The following FOXP4 variants were observed in gnomAD, a reference collection of about 807,000 sequenced individuals.
The protein encoded by FOXP4 is forkhead box protein P4.
In FOXP4, 25 loss-of-function variants were observed where a neutral mutation model predicts 82.6. The ratio of observed to expected loss-of-function variants is 0.30; its 90% CI spans 0.22 to 0.42. FOXP4 has a LOEUF of 0.42. FOXP4 is among the 10% of genes least tolerant of loss of function. The probability of loss-of-function intolerance (pLI) is 1.00; values close to 1 mark genes in which losing one functional copy is unlikely to be tolerated. For missense variants in FOXP4, 785 were observed against 900.9 expected (o/e 0.87, Z 1.65); for synonymous variants, 415 against 388.2 (o/e 1.07, Z -0.81).
At chr6:41,567,626 G>A (rs1201905973) in intron 2 of FOXP4, among the ~76,000 whole-genome samples, 2 of 152,208 alleles carry the variant, frequency 1.3e-5, no homozygotes, top group African/African-American at 4.8e-5. Flanking sequence ...AGGGGTTGGG[G>A]AGTACTGAAA....
intron 2 of FOXP4, among the ~76,000 whole-genome samples, chr6:41,569,701 G>A (rs1765075052): frequency 6.6e-6 from 1 of 152,176 alleles, no homozygotes; most frequent in Non-Finnish European, 1.5e-5. Flanking sequence ...AGGCGTCCTG[G>A]GCCTCTGGAG....
At chr6:41,556,128 G>A (rs915499007) in intron 1 of FOXP4, among the ~76,000 whole-genome samples, 9 of 152,000 alleles carry the variant, frequency 5.9e-5, no homozygotes, top group East Asian at 1.9e-4. Flanking sequence ...GTTAGGACGC[G>A]GGGAGGAGCA....
At chr6:41,554,427 C>T (rs1000910323) in intron 1 of FOXP4, among the ~76,000 whole-genome samples, 2 of 152,248 alleles carry the variant, frequency 1.3e-5, no homozygotes, top group Non-Finnish European at 2.9e-5. Flanking sequence ...GCAGCTGCCT[C>T]CTCGTGCCCT....
intron 3 of FOXP4, among the ~76,000 whole-genome samples, chr6:41,582,429 C>T (rs928078403): frequency 3.3e-5 from 5 of 152,248 alleles, no homozygotes; most frequent in Admixed American, 6.5e-5. Context: ...TCCCAGTTAG[C>T]CGACCGGGAA....
chr6:41,560,112 GAAA>G (rs1374787118), intron 1 of FOXP4, among the ~76,000 whole-genome samples: 5 of 152,190 alleles, frequency 3.3e-5, no homozygotes, highest in African/African-American at 1.2e-4. Context: ...ATACAGAGAA[GAAA>G]AGAGGAGAAT....
chr6:41,593,348 G>A lies in FOXP4; in HGVS notation c.1537-1522G>A, dbSNP rs899883118. ...CATGGTGTGGGCCCAGCCAGCTGCCGTTCATCCAGGGACAGAGCTGCCATC... is the reference window on the plus strand; with the variant it reads ...CATGGTGTGGGCCCAGCCAGCTGCCATTCATCCAGGGACAGAGCTGCCATC... On this transcript the variant is annotated intron_variant, in intron 13 of 16. Coordinates refer to ENST00000307972, the MANE Select transcript of FOXP4 (RefSeq NM_001012426.2). This position sits in a 1 kb window ranked among gnomAD's most constrained non-coding sequence, Gnocchi z 4.1. Among the ~76,000 whole-genome samples the A allele has an allele frequency of 2.0e-5, 3 of 152,144 alleles. No individual in the cohort carries two copies. The highest frequency in any genetic ancestry group is 4.1e-4 in the South Asian group (2 of 4,826).
intron 1 of FOXP4, 100 bp from the exon 2 acceptor site, chr6:41,565,645 G>A: frequency 9.1e-7 from 1 of 1,096,620 alleles, no homozygotes; most frequent in Non-Finnish European, 1.3e-6. Context: ...TAGATGCCCA[G>A]CTACTCCTGT....
chr6:41,582,242 G>A (rs1203222685), intron 3 of FOXP4, among the ~76,000 whole-genome samples: 1 of 152,228 alleles, frequency 6.6e-6, no homozygotes, highest in Non-Finnish European at 1.5e-5. Flanking sequence ...ACCTCTCTGG[G>A]CCTCAGTTTT....
rs1371187674 is a variant in FOXP4 at position 41,587,817 on chromosome 6, C to G, written c.897C>G (p.Gly299=). The change falls in exon 8 of 17, where the codon GGC becomes GGG. Residue 299 remains glycine, a synonymous_variant. Transcript: ENST00000307972. ...RDSSSHEETP[G]SHPLYGHGEC... ...GCTCTTCCCACGAGGAGACCCCCGG[C>G]TCCCACCCCCTGTACGGACACGGAG... 2 of 1,568,134 alleles carry G rather than the reference C, an allele frequency of 1.3e-6. No homozygotes were observed. The highest frequency in any genetic ancestry group is 2.4e-5 in the East Asian group (1 of 42,180).
At chr6:41,557,810 C>T (rs79038780) in intron 1 of FOXP4, among the ~76,000 whole-genome samples, 2,156 of 151,914 alleles carry the variant, frequency 0.014, 55 homozygotes, top group African/African-American at 0.049. Context: ...AAATTTTCTA[C>T]CAGGATGTCT....
In FOXP4 at chr6:41,587,466, A is replaced by T. The variant is rs764585288; in HGVS notation, c.826A>T (p.Thr276Ser). Residue 276 changes from threonine (T) to serine (S), a missense_variant, in exon 7 of 17, where the codon ACC becomes TCC. Around this residue, in one of 3 missense-constraint regions of FOXP4, gnomAD observed 570 missense variants for 634.0 expected, o/e 0.90. Transcript: ENST00000307972. ...PKVSPPLSHH[T>S]LPNGQPTVLT... Reference sequence around the variant, plus strand: ...GGTCTCACCCCCCCTCTCCCACCATACCCTGCCCAACGGACAGCCTACTGT... The same window carrying T: ...GGTCTCACCCCCCCTCTCCCACCATTCCCTGCCCAACGGACAGCCTACTGT... The T allele has an allele frequency of 1.6e-5, 25 of 1,540,348 alleles. No homozygotes were observed. The highest frequency in any genetic ancestry group is 2.2e-5 in the Non-Finnish European group (25 of 1,143,774).
intron 14 of FOXP4, among the ~76,000 whole-genome samples, chr6:41,596,049 C>G (rs548459270): frequency 1.3e-5 from 2 of 152,288 alleles, no homozygotes; most frequent in South Asian, 4.1e-4. Flanking sequence ...AGGCGCCCAC[C>G]ACCACACCCA....
At chr6:41,594,673 C>T (rs191693224) in intron 13 of FOXP4, among the ~76,000 whole-genome samples, 197 bp from the exon 14 acceptor site, 205 of 152,232 alleles carry the variant, frequency 1.3e-3, no homozygotes, top group Middle Eastern at 3.4e-3. Context: ...AGGCTGGGAA[C>T]CCCTGGCTCT....
At position 41,593,588 on chromosome 6, in the gene FOXP4, C is replaced by T. The variant is rs2127402875; in HGVS notation, c.1537-1282C>T. On this transcript the variant is annotated intron_variant, in intron 13 of 16. Coordinates refer to ENST00000307972, the MANE Select transcript of FOXP4 (RefSeq NM_001012426.2). The surrounding 1 kb of genome is among the most constrained non-coding windows in gnomAD (Gnocchi z 4.1). ...CATCCTCGGAAATTGGGGTCATTCTCATTTGCAAAGCGGAGGATCGGAGCC... is the reference window on the plus strand; with the variant it reads ...CATCCTCGGAAATTGGGGTCATTCTTATTTGCAAAGCGGAGGATCGGAGCC... 6.6e-6 allele frequency among the ~76,000 whole-genome samples: 1 copy of T among 152,368 alleles called. No individual in the cohort carries two copies. Among genetic ancestry groups the T allele is most frequent in the East Asian group, 1.9e-4 (1 of 5,196 alleles).
chr6:41,553,349 C>T (rs904872528), intron 1 of FOXP4, among the ~76,000 whole-genome samples: 1 of 152,140 alleles, frequency 6.6e-6, no homozygotes, highest in African/African-American at 2.4e-5. Flanking sequence ...CGAGGTGAGG[C>T]GAGCTTCAGC....
At chr6:41,570,247 G>C in intron 2 of FOXP4, 1 of 462,050 alleles carries the variant, frequency 2.2e-6, no homozygotes, top group Non-Finnish European at 4.5e-6. Context: ...TTCTTCTGGA[G>C]AATGAGCCCC....
In FOXP4 at chr6:41,585,455, C is replaced by G; in HGVS notation, c.448C>G (p.Gln150Glu). The G allele has an allele frequency of 6.2e-7, 1 of 1,613,906 alleles. No homozygotes were observed. Among genetic ancestry groups the G allele is most frequent in the South Asian group, 1.1e-5 (1 of 91,066 alleles). ...GCTACAGGAGTACTACAAGAAGCAG[C>G]AGGAGCAGCTCCACCTGCAGCTCCT... ...QQLQEYYKKQ[Q>E]EQLHLQLLTQ... Residue 150 changes from glutamine (Q) to glutamate (E), a missense_variant, in exon 5 of 17, where the codon CAG (glutamine) becomes GAG (glutamate). This residue lies in a region of FOXP4 where 570 missense variants were observed against 634.0 expected (regional missense o/e 0.90). Transcript: ENST00000307972.
intron 12 of FOXP4, among the ~76,000 whole-genome samples, chr6:41,590,619 C>T (rs1766458075): frequency 6.6e-6 from 1 of 152,156 alleles, no homozygotes; most frequent in Non-Finnish European, 1.5e-5. Context: ...TTTCCACGTA[C>T]ACAGCCCGCC....
chr6:41,559,785 A>G (rs1240905859), intron 1 of FOXP4, among the ~76,000 whole-genome samples: 1 of 152,188 alleles, frequency 6.6e-6, no homozygotes, highest in Non-Finnish European at 1.5e-5. Context: ...TTGGAGCCCC[A>G]TTGCCTGGGA....
Sources: allele counts gnomAD v4.1 joint callset (sites outside exome capture counted in the v4.1 genomes callset), GRCh38; gene constraint gnomAD v4.1.1; regional missense constraint gnomAD v4.1.1; non-coding constraint Gnocchi (gnomAD v3.1); transcripts MANE v1.5; gene names NCBI Gene and HGNC (gene_info 2026-07-23, HGNC 2026-07-21).